The following SMG6 variants were observed in gnomAD, a reference collection of about 807,000 sequenced individuals.
SMG6 encodes SMG6 nonsense mediated mRNA decay factor, also known as telomerase-binding protein EST1A.
SMG6 carries 66 observed loss-of-function variants against 142.2 expected under a neutral mutation model. The ratio of observed to expected loss-of-function variants is 0.46; its 90% CI spans 0.38 to 0.57. The LOEUF is 0.57. SMG6 is among the 20% of genes least tolerant of loss of function. The pLI, the probability that SMG6 is intolerant of heterozygous loss-of-function variation, is 0.00. For missense variants in SMG6, 1,793 were observed against 1,832.0 expected, an observed-to-expected ratio of 0.98 and a Z score of 0.39; for synonymous variants, 779 against 702.4, an observed-to-expected ratio of 1.11 and a Z score of -1.72.
intron 14 of SMG6, among the ~76,000 whole-genome samples, chr17:2,084,380 A>G (rs2068501323): frequency 6.6e-6 from 1 of 152,114 alleles, no homozygotes; most frequent in Non-Finnish European, 1.5e-5. Flanking sequence ...TTCTCTGCCC[A>G]GGTTTCATCT....
At chr17:2,146,182 G>C (rs1348951492) in intron 13 of SMG6, among the ~76,000 whole-genome samples, 2 of 152,180 alleles carry the variant, frequency 1.3e-5, no homozygotes, top group Non-Finnish European at 2.9e-5. Context: ...GCATGTGGAA[G>C]CATGAACTCT....
At chr17:2,261,475 T>C (rs891031530) in intron 8 of SMG6, among the ~76,000 whole-genome samples, 1 of 152,234 alleles carries the variant, frequency 6.6e-6, no homozygotes, top group African/African-American at 2.4e-5. Context: ...AACTCTGCAA[T>C]AATTTTTTAA....
At chr17:2,073,285 T>C (rs1259125222) in intron 15 of SMG6, among the ~76,000 whole-genome samples, 3 of 152,000 alleles carry the variant, frequency 2.0e-5, no homozygotes, top group African/African-American at 7.2e-5. Flanking sequence ...GGTTTCACCA[T>C]GTTGGCCACA....
chr17:2,170,083 AAAGG>A (rs1407606467), intron 13 of SMG6, among the ~76,000 whole-genome samples: 5 of 152,216 alleles, frequency 3.3e-5, no homozygotes, highest in Non-Finnish European at 5.9e-5. Context: ...GGGGAAGGGT[AAAGG>A]AAGACCAGGT....
At chr17:2,267,873 G>A (rs1368077411) in intron 8 of SMG6, among the ~76,000 whole-genome samples, 3 of 151,104 alleles carry the variant, frequency 2.0e-5, no homozygotes, top group South Asian at 2.1e-4. Context: ...TCAACCTCCC[G>A]AGTAGATGGG....
intron 12 of SMG6, among the ~76,000 whole-genome samples, chr17:2,176,107 G>A (rs915499370): frequency 6.6e-6 from 1 of 152,198 alleles, no homozygotes; most frequent in African/African-American, 2.4e-5. Context: ...AAAAGGATGA[G>A]GTAATTCCTG....
rs547706475 is a variant in SMG6 at position 2,292,973 on chromosome 17, T to C, written c.2156A>G (p.Lys719Arg). The C allele has an allele frequency of 3.5e-5, 57 of 1,612,950 alleles. No individual in the cohort carries two copies. The South Asian group carries it at 5.8e-4, about 16-fold the overall frequency. Reference sequence around the variant, plus strand: ...TCGCTGGGCACTGATCAAGGCATATTTTACCTTCAGGAAAAACAACCAGTT... The same window carrying C: ...TCGCTGGGCACTGATCAAGGCATATCTTACCTTCAGGAAAAACAACCAGTT... ...IRSKPLRKTV[K>R]YALISAQRCM... The change falls in exon 5 of 19, where the codon AAA becomes AGA. Residue 719 changes from lysine (K) to arginine (R), a missense_variant. Lys to Arg is a conservative substitution (Grantham distance 26). This residue lies in a region of SMG6 where 1,597 missense variants were observed against 1,584.6 expected (regional missense o/e 1.01). Coordinates refer to ENST00000263073, the MANE Select transcript of SMG6 (RefSeq NM_017575.5).
intron 13 of SMG6, among the ~76,000 whole-genome samples, chr17:2,102,528 ATTTTTTTTTTTTTTTT>A (rs374584197): frequency 7.4e-5 from 6 of 81,614 alleles, no homozygotes; most frequent in South Asian, 4.2e-4. Flanking sequence ...TGCTAATTTC[ATTTTTTTTTTTTTTTT>A]TTTTTTTTTT....
Position 2,119,739 on chromosome 17 carries a change from G to GC in SMG6, c.3358-33839dup, listed in dbSNP as rs2069625590. Among the ~76,000 whole-genome samples, 9 of 152,202 alleles carry GC rather than the reference G, an allele frequency of 5.9e-5. 1 individual carries two copies. In the South Asian group the frequency reaches 1.9e-3, roughly 32 times the overall value. On this transcript the variant is annotated intron_variant, in intron 13 of 18. Coordinates refer to ENST00000263073, the MANE Select transcript of SMG6 (RefSeq NM_017575.5). ...TGCAGTGGCGTGATCTCGGCTCACT[G>GC]CAAGCTCCGCCTCCCGGGTTCATGC...
intron 10 of SMG6, chr17:2,212,586 C>A (rs542350902): frequency 6.6e-6 from 1 of 152,172 alleles, no homozygotes; most frequent in Non-Finnish European, 1.5e-5. Context: ...TTCAGTCCAA[C>A]CAGTCAAGAG....
intron 13 of SMG6, among the ~76,000 whole-genome samples, chr17:2,111,024 C>T (rs935436896): frequency 2.0e-5 from 3 of 152,166 alleles, no homozygotes; most frequent in Non-Finnish European, 4.4e-5. Flanking sequence ...TAGAGCCTCA[C>T]AGAACACAAA....
rs554492643 is a variant in SMG6 at position 2,275,763 on chromosome 17, A to G, written c.2661+6884T>C. 5.3e-5 allele frequency among the ~76,000 whole-genome samples: 8 copies of G among 152,322 alleles called. No individual in the cohort carries two copies. The South Asian group carries it at 1.2e-3, about 24-fold the overall frequency. On this transcript the variant is annotated intron_variant, in intron 8 of 18. Transcript: ENST00000263073. ...CAGAACCCTGGCAACGTGGATTTGG[A>G]GGGTCCTGGCTGGCAGGTGGAAGAG...
At chr17:2,177,383 A>G (rs930050390) in intron 12 of SMG6, among the ~76,000 whole-genome samples, 2 of 144,904 alleles carry the variant, frequency 1.4e-5, no homozygotes, top group Non-Finnish European at 3.1e-5. Context: ...CTGGGGCAGG[A>G]CTGAGAGGAG....
At chr17:2,225,845 A>T (rs2073300300) in intron 10 of SMG6, among the ~76,000 whole-genome samples, 1 of 152,188 alleles carries the variant, frequency 6.6e-6, no homozygotes, top group Non-Finnish European at 1.5e-5. Flanking sequence ...GGTGGAATGG[A>T]AACAATAATC....
intron 10 of SMG6, among the ~76,000 whole-genome samples, chr17:2,196,187 T>G (rs2072319197): frequency 6.6e-6 from 1 of 152,142 alleles, no homozygotes; most frequent in Non-Finnish European, 1.5e-5. Context: ...TTCAGGAAGC[T>G]GAAGCGGGCA....
At chr17:2,267,221 T>C (rs779501307) in intron 8 of SMG6, among the ~76,000 whole-genome samples, 6 of 152,198 alleles carry the variant, frequency 3.9e-5, no homozygotes, top group Non-Finnish European at 5.9e-5. Context: ...TCTTTTTCTT[T>C]TGAGGCAGGG....
intron 13 of SMG6, among the ~76,000 whole-genome samples, chr17:2,107,614 C>G (rs187210004): frequency 3.5e-4 from 54 of 152,326 alleles, no homozygotes; most frequent in Non-Finnish European, 4.9e-4. Flanking sequence ...GCTGGGGCAG[C>G]TCCTCTGGGC....
chr17:2,230,455 CATGGCT>C (rs2073457694), intron 10 of SMG6, among the ~76,000 whole-genome samples: 1 of 151,916 alleles, frequency 6.6e-6, no homozygotes, highest in South Asian at 2.1e-4. Flanking sequence ...CACCAAACCA[CATGGCT>C]ATCTTGGGGC....
chr17:2,131,514 G>C (rs1693345694), intron 13 of SMG6, among the ~76,000 whole-genome samples: 1 of 152,006 alleles, frequency 6.6e-6, no homozygotes, highest in Non-Finnish European at 1.5e-5. Context: ...AGGCCAGGGT[G>C]GTCTTGAACT....
Sources: allele counts gnomAD v4.1 joint callset (sites outside exome capture counted in the v4.1 genomes callset), GRCh38; gene constraint gnomAD v4.1.1; regional missense constraint gnomAD v4.1.1; transcripts MANE v1.5; gene names NCBI Gene and HGNC (gene_info 2026-07-23, HGNC 2026-07-21).